The following PC variants were observed in gnomAD, a reference collection of about 807,000 sequenced individuals.
PC encodes the protein pyruvate carboxylase, mitochondrial.
Under a neutral mutation model 107.8 loss-of-function variants are expected in PC, and 46 were observed. The ratio of observed to expected loss-of-function variants is 0.43; its 90% CI spans 0.34 to 0.55. PC has a LOEUF of 0.55. Ranked by LOEUF, PC falls within the 20% of genes least tolerant of loss-of-function variation. The probability of loss-of-function intolerance (pLI) is 0.04; values close to 1 mark genes in which losing one functional copy is unlikely to be tolerated. For missense variants in PC, 1,241 were observed against 1,643.1 expected (o/e 0.76, Z 4.23); for synonymous variants, 662 against 684.7 (o/e 0.97, Z 0.52).
intron 3 of PC, among the ~76,000 whole-genome samples, chr11:66,880,471 G>A (rs1037614076): frequency 3.3e-5 from 5 of 152,150 alleles, no homozygotes; most frequent in African/African-American, 1.2e-4. Context: ...AGGCACCTAT[G>A]GTGACCCTCG....
Position 66,849,029 on chromosome 11 carries a change from G to A in PC, c.3407C>T (p.Pro1136Leu). Residue 1136 changes from proline (P) to leucine (L), a missense_variant, in exon 23 of 23, where the codon CCC (proline) becomes CTC (leucine). Physicochemically the swap from Pro to Leu is moderately conservative, Grantham distance 98. Transcript: ENST00000393960. ...VAGAKVAKGQ[P>L]LCVLSAMKME... The stretch of plus-strand genomic sequence containing the variant: ...CTTCATGGCACTGAGCACACACAGG[G>A]GCTGGCCCTTGGCCACCTTGGCCCC... 1 of 1,614,082 alleles carries A rather than the reference G, an allele frequency of 6.2e-7. No homozygotes were observed. Among genetic ancestry groups the A allele is most frequent in the South Asian group, 1.1e-5 (1 of 91,088 alleles).
At chr11:66,936,275 G>T (rs1172806364) in intron 3 of PC, among the ~76,000 whole-genome samples, 3 of 151,464 alleles carry the variant, frequency 2.0e-5, no homozygotes, top group African/African-American at 7.3e-5. Context: ...GGTGGGGGGG[G>T]AGAGAAAAAA....
intron 3 of PC, among the ~76,000 whole-genome samples, chr11:66,943,776 A>G (rs1591312070): frequency 6.7e-6 from 1 of 148,542 alleles, no homozygotes. Flanking sequence ...AAAAAAAAAA[A>G]AAAAAAAAAG....
rs1346010061 is a variant in PC at position 66,852,616 on chromosome 11, G to T, written c.1648C>A (p.Pro550Thr). 6.2e-7 allele frequency: 1 copy of T among 1,613,912 alleles called. No homozygotes were observed. The highest frequency in any genetic ancestry group is 1.1e-5 in the South Asian group (1 of 91,084). Residue 550 changes from proline to threonine, a missense_variant, in exon 15 of 23, where the codon CCT (proline) becomes ACT (threonine). Physicochemically the swap from Pro to Thr is conservative, Grantham distance 38. Around this residue, in one of 2 missense-constraint regions of PC, gnomAD observed 1,143 missense variants for 1,551.9 expected, o/e 0.74. Transcript: ENST00000393960. This position sits in a 1 kb window ranked among gnomAD's most constrained non-coding sequence, Gnocchi z 4.7. ...GFRDILLREG[P>T]EGFARAVRNH... ...CGCACAGCTCGAGCAAAGCCCTCAG[G>T]CCCCTCTCGCAGCAGGATGTCTCTG...
chr11:66,939,345 C>G (rs188558487), intron 3 of PC, among the ~76,000 whole-genome samples: 1 of 151,908 alleles, frequency 6.6e-6, no homozygotes, highest in East Asian at 1.9e-4. Context: ...CATTTTCTAT[C>G]AAGCACTTGA....
chr11:66,946,401 C>T (rs978897110), intron 3 of PC, among the ~76,000 whole-genome samples: 2 of 152,024 alleles, frequency 1.3e-5, no homozygotes, highest in Non-Finnish European at 2.9e-5. Flanking sequence ...GAGACCAAGG[C>T]GGGCAGATCA....
At chr11:66,920,810 C>T (rs992192949) in intron 3 of PC, among the ~76,000 whole-genome samples, 7 of 151,972 alleles carry the variant, frequency 4.6e-5, no homozygotes, top group Admixed American at 1.3e-4. Flanking sequence ...TTTGGGAGGC[C>T]GAGGCAGGTG....
chr11:66,931,667 A>G (rs1948857586), intron 3 of PC, among the ~76,000 whole-genome samples: 1 of 152,142 alleles, frequency 6.6e-6, no homozygotes, highest in South Asian at 2.1e-4. Flanking sequence ...TCCAAGATAC[A>G]CTGATAAATG....
intron 3 of PC, among the ~76,000 whole-genome samples, chr11:66,916,551 T>G (rs900457420): frequency 3.3e-5 from 5 of 152,054 alleles, no homozygotes; most frequent in African/African-American, 1.2e-4. Flanking sequence ...GTCACCTTAG[T>G]CTCCCCAAAG....
At chr11:66,898,744 C>A (rs966342099) in intron 3 of PC, among the ~76,000 whole-genome samples, 2 of 152,174 alleles carry the variant, frequency 1.3e-5, no homozygotes, top group African/African-American at 4.8e-5. Context: ...GCATCTACCG[C>A]CATAATCCGC....
rs899036827 is a variant in PC, at chr11:66,895,598, G to C, written c.1-23439C>G. ...AAAGAACCATTTGGGGAGCAAAAAA[G>C]CTCTTGGAAATTAAAAAATACAATA... On this transcript the variant is annotated intron_variant, in intron 3 of 22. Transcript: ENST00000393960. Among the ~76,000 whole-genome samples, 6 of 152,156 alleles carry C rather than the reference G, an allele frequency of 3.9e-5. No homozygotes were observed. The South Asian group carries it at 8.3e-4, about 21-fold the overall frequency.
In PC at chr11:66,857,991, G is replaced by A; in HGVS notation, c.1369-4608C>T. ...GGTGGACCTGACACTGTCTCGCAAT[G>A]CCATCACCCGCATTGGGGCCCGCGC... On this transcript the variant is annotated intron_variant, in intron 12 of 22. Transcript: ENST00000393960. This position sits in a 1 kb window ranked among gnomAD's most constrained non-coding sequence, Gnocchi z 7.1. 1 of 1,612,442 alleles carries A rather than the reference G, an allele frequency of 6.2e-7. No individual in the cohort carries two copies. Among genetic ancestry groups the A allele is most frequent in the Non-Finnish European group, 8.5e-7 (1 of 1,179,934 alleles).
rs772566186 is a variant in PC, at chr11:66,871,290, C to A, written c.487+25G>T. The A allele has an allele frequency of 3.2e-5, 52 of 1,613,944 alleles. No homozygotes were observed. The highest frequency in any genetic ancestry group is 7.7e-5 in the South Asian group (7 of 91,096). On this transcript the variant is annotated intron_variant, in intron 6 of 22. Transcript: ENST00000393960. This position sits in a 1 kb window ranked among gnomAD's most constrained non-coding sequence, Gnocchi z 7.4. ...ACCCTCTCCAGGAGCTGCGGGGCCA[C>A]CCCTTGCTTGCCCGTTATATTCACC...
intron 12 of PC, chr11:66,860,645 A>G (rs1320460212): frequency 2.9e-6 from 2 of 701,596 alleles, no homozygotes; most frequent in African/African-American, 3.5e-5. Flanking sequence ...GCTGCGGCCA[A>G]GGGCTGTGCC....
At chr11:66,873,483 A>AAT (rs1565249213) in intron 3 of PC, among the ~76,000 whole-genome samples, 3 of 70,816 alleles carry the variant, frequency 4.2e-5, no homozygotes, top group African/African-American at 1.7e-4. Context: ...TATAATATAT[A>AAT]ATATTATATA....
At chr11:66,862,519 G>A (rs1340834646) in intron 12 of PC, among the ~76,000 whole-genome samples, 1 of 152,198 alleles carries the variant, frequency 6.6e-6, no homozygotes, top group Non-Finnish European at 1.5e-5. Context: ...CCAAGGCAGA[G>A]GGGCCGGTGC....
rs147066473 is a variant in PC, at chr11:66,849,960, A to AC, written c.2874dup (p.Phe959ValfsTer8). ...ACCTTAGAGCGAAAGGGTTCGGGGAACCCCCCATGGGGGACACCGATGTAG... is the reference window on the plus strand; with the variant it reads ...ACCTTAGAGCGAAAGGGTTCGGGGAACCCCCCCATGGGGGACACCGATGTAG... On this transcript the variant is annotated frameshift_variant, in exon 20 of 23. Coordinates refer to ENST00000393960, the MANE Select transcript of PC (RefSeq NM_001040716.2). LOFTEE classifies it high-confidence loss of function. 10 of 1,612,682 alleles carry AC rather than the reference A, an allele frequency of 6.2e-6. No homozygotes were observed. Among genetic ancestry groups the AC allele is most frequent in the African/African-American group, 1.3e-5 (1 of 74,582 alleles).
chr11:66,852,933 C>A lies in PC; in HGVS notation c.1514-97G>T. On this transcript the variant is annotated intron_variant, in intron 13 of 22. Coordinates refer to ENST00000393960, the MANE Select transcript of PC (RefSeq NM_001040716.2). The surrounding 1 kb of genome is among the most constrained non-coding windows in gnomAD (Gnocchi z 4.7). ...CTGGGCTCAGGGACAGGGACACATC[C>A]CTCCAGGATCCCCGGGCTTCCAGCT... 2 of 937,938 alleles carry A rather than the reference C, an allele frequency of 2.1e-6. No individual in the cohort carries two copies. Among genetic ancestry groups the A allele is most frequent in the South Asian group, 1.7e-5 (1 of 59,540 alleles). The allele number at this position is 937,938 out of a possible 1,614,324, so 58.1% of individuals were successfully genotyped here. A position where few individuals can be genotyped will look rare whatever the true frequency, so the allele number is the denominator to read the frequency against.
chr11:66,877,494 C>A (rs1452498355), intron 3 of PC, among the ~76,000 whole-genome samples: 1 of 152,204 alleles, frequency 6.6e-6, no homozygotes, highest in Non-Finnish European at 1.5e-5. Context: ...TGGAGACCAT[C>A]CTGGCTAACA....
Sources: allele counts gnomAD v4.1 joint callset (sites outside exome capture counted in the v4.1 genomes callset), GRCh38; gene constraint gnomAD v4.1.1; regional missense constraint gnomAD v4.1.1; non-coding constraint Gnocchi (gnomAD v3.1); transcripts MANE v1.5; gene names NCBI Gene and HGNC (gene_info 2026-07-23, HGNC 2026-07-21).